ARHGEF10: variants seen among roughly 807,000 people sequenced by gnomAD.
ARHGEF10 encodes the protein Rho guanine nucleotide exchange factor (GEF) 10.
ARHGEF10 carries 140 observed loss-of-function variants against 147.4 expected under a neutral mutation model. The observed-to-expected ratio is 0.95, with a 90% CI of 0.83 to 1.09. The LOEUF is 1.09. Ranked by LOEUF, ARHGEF10 falls within the 50% of genes least tolerant of loss-of-function variation. The pLI is 0.00. For missense variants in ARHGEF10, 2,222 were observed against 1,752.7 expected (o/e 1.27, Z -4.78); for synonymous variants, 902 against 695.8 (o/e 1.30, Z -4.67).
intron 26 of ARHGEF10, among the ~76,000 whole-genome samples, chr8:1,939,819 G>C (rs1246185690): frequency 1.3e-5 from 2 of 152,200 alleles, no homozygotes; most frequent in Non-Finnish European, 2.9e-5. Flanking sequence ...CGGGGACTGG[G>C]GGGAAGCATG....
intron 9 of ARHGEF10, among the ~76,000 whole-genome samples, chr8:1,881,063 G>T (rs1808150134): frequency 6.6e-6 from 1 of 152,184 alleles, no homozygotes; most frequent in Non-Finnish European, 1.5e-5. Context: ...ACCATGGGAG[G>T]GGTGTGTGAG....
At chr8:1,879,951 C>G (rs1191449064) in intron 8 of ARHGEF10, 97 bp from the exon 9 acceptor site, 2 of 867,812 alleles carry the variant, frequency 2.3e-6, no homozygotes, top group Admixed American at 3.4e-5. Context: ...GCCTGATGTG[C>G]CACTGCAGAC....
chr8:1,824,684 C>T (rs1189646718), intron 1 of ARHGEF10, among the ~76,000 whole-genome samples: 1 of 105,342 alleles, frequency 9.5e-6, no homozygotes, highest in East Asian at 3.0e-4. Flanking sequence ...TTACCCTGCA[C>T]CCCAGCTGTC....
chr8:1,920,860 C>T (rs1378673312), intron 18 of ARHGEF10, among the ~76,000 whole-genome samples: 1 of 145,204 alleles, frequency 6.9e-6, no homozygotes. Context: ...TCTTGGCTCA[C>T]CATGACCTCC....
At chr8:1,953,875 T>C (rs1423103919) in intron 28 of ARHGEF10, among the ~76,000 whole-genome samples, 1 of 152,166 alleles carries the variant, frequency 6.6e-6, no homozygotes, top group Non-Finnish European at 1.5e-5. Flanking sequence ...TGCAGGAAGC[T>C]TGTAGAGCAG....
chr8:1,922,557 G>A (rs1417049884), intron 18 of ARHGEF10, among the ~76,000 whole-genome samples: 9 of 152,148 alleles, frequency 5.9e-5, no homozygotes, highest in Non-Finnish European at 1.3e-4. Context: ...CGTGACCACC[G>A]AACGCAGTGC....
At chr8:1,920,509 GT>G (rs1812205448) in intron 18 of ARHGEF10, among the ~76,000 whole-genome samples, 2 of 149,028 alleles carry the variant, frequency 1.3e-5, no homozygotes, top group South Asian at 4.2e-4. Context: ...TAAACTCTAT[GT>G]TTTTGGTTTT....
rs747051076 is a variant in ARHGEF10, at chr8:1,869,204, A to G, written c.633A>G (p.Glu211=). ...ANTAWMENPE[E]AIYDDVPREN... ...CCCCGTTTATTGCAGATCCAGAGGA[A>G]GCAATTTACGATGACGTTCCAAGGG... The change falls in exon 7 of 29, where the codon GAA becomes GAG. Residue 211 remains glutamate, a synonymous_variant. Transcript: ENST00000349830. 1.1e-5 allele frequency: 17 copies of G among 1,613,962 alleles called. No homozygotes were observed. Among genetic ancestry groups the G allele is most frequent in the Non-Finnish European group, 1.4e-5 (16 of 1,179,788 alleles).
In ARHGEF10 at chr8:1,957,919, G is replaced by A. The variant is rs982131012; in HGVS notation, c.*656G>A. The stretch of plus-strand genomic sequence containing the variant: ...TTCTATTAAAAAATTAACAGTTAAT[G>A]TTTCAGTCAATGTATTATCTGTAGC... On this transcript the variant is annotated 3_prime_UTR_variant, in exon 29 of 29. Coordinates refer to ENST00000349830, the MANE Select transcript of ARHGEF10 (RefSeq NM_014629.4). 5 of 152,270 alleles carry A rather than the reference G, an allele frequency of 3.3e-5. No homozygotes were observed. The highest frequency in any genetic ancestry group is 1.2e-4 in the African/African-American group (5 of 41,436). The allele number at this position is 152,270 out of a possible 1,614,324, so 9.4% of individuals were successfully genotyped here.
chr8:1,915,861 C>A (rs183753004), intron 18 of ARHGEF10, among the ~76,000 whole-genome samples: 89 of 152,356 alleles, frequency 5.8e-4, no homozygotes, highest in Middle Eastern at 3.4e-3. Flanking sequence ...CATTCTCATT[C>A]CTAACGGCCT....
chr8:1,945,814 G>T, intron 27 of ARHGEF10, 159 bp downstream of exon 27: 1 of 1,135,508 alleles, frequency 8.8e-7, no homozygotes, highest in Admixed American at 1.8e-5. Flanking sequence ...GGACAGACGT[G>T]GGAGTACGGA....
chr8:1,840,393 G>T (rs1585227666), intron 1 of ARHGEF10, among the ~76,000 whole-genome samples: 1 of 133,896 alleles, frequency 7.5e-6, no homozygotes, highest in African/African-American at 2.8e-5. Context: ...TGGTGTGGAA[G>T]CTGTCTGGTG....
intron 27 of ARHGEF10, among the ~76,000 whole-genome samples, chr8:1,946,091 C>G (rs1444457913): frequency 1.3e-5 from 2 of 152,132 alleles, no homozygotes; most frequent in African/African-American, 4.8e-5. Context: ...TGTGAATGCC[C>G]TGTTGCTGGT....
intron 4 of ARHGEF10, among the ~76,000 whole-genome samples, chr8:1,864,068 A>T (rs1351702602): frequency 6.6e-6 from 1 of 150,652 alleles, no homozygotes; most frequent in East Asian, 2.0e-4. Flanking sequence ...CGTGGCTCCC[A>T]TGCACATGTG....
chr8:1,842,532 G>T (rs1277470354), intron 1 of ARHGEF10, among the ~76,000 whole-genome samples: 1 of 152,208 alleles, frequency 6.6e-6, no homozygotes, highest in Non-Finnish European at 1.5e-5. Flanking sequence ...CAGGGACCAT[G>T]CCCCCTGTGG....
chr8:1,864,292 C>T (rs535589097), intron 4 of ARHGEF10, 81 bp from the exon 5 acceptor site: 1 of 1,420,520 alleles, frequency 7.0e-7, no homozygotes, highest in South Asian at 1.1e-5. Context: ...AGTGTGAAAC[C>T]ATTTTTAAGG....
chr8:1,882,499 C>G (rs1653615815), intron 9 of ARHGEF10, 136 bp from the exon 10 acceptor site: 2 of 788,572 alleles, frequency 2.5e-6, no homozygotes, highest in African/African-American at 1.7e-5. Context: ...CAAAACAAAA[C>G]CTAGCCCAGA....
At chr8:1,860,442 C>T (rs1197687776) in intron 4 of ARHGEF10, among the ~76,000 whole-genome samples, 2 of 142,894 alleles carry the variant, frequency 1.4e-5, no homozygotes, top group Non-Finnish European at 3.0e-5. Context: ...TCCGTAGAGT[C>T]TGGGCCTGAC....
At position 1,885,627 on chromosome 8, in the gene ARHGEF10, C is replaced by A; in HGVS notation, c.1102C>A (p.Gln368Lys). The A allele has an allele frequency of 1.2e-6, 2 of 1,613,452 alleles. No homozygotes were observed. Among genetic ancestry groups the A allele is most frequent in the Non-Finnish European group, 1.7e-6 (2 of 1,179,778 alleles). Residue 368 changes from glutamine (Q) to lysine (K), a missense_variant, in exon 11 of 29, where the codon CAG becomes AAG. By Grantham distance (53) the Gln-to-Lys change is moderately conservative. Transcript: ENST00000349830. ...TCACAGATCTTCTCTTGAGGAAGAACAGAATTTGTTCATTGATGTTGACTG... is the reference window on the plus strand; with the variant it reads ...TCACAGATCTTCTCTTGAGGAAGAAAAGAATTTGTTCATTGATGTTGACTG... ...QDHRSSLEEE[Q>K]NLFIDVDCKH... is the part of the protein sequence containing the mutation.
Sources: allele counts gnomAD v4.1 joint callset (sites outside exome capture counted in the v4.1 genomes callset), GRCh38; gene constraint gnomAD v4.1.1; transcripts MANE v1.5; gene names NCBI Gene and HGNC (gene_info 2026-07-23, HGNC 2026-07-21).